The following SPAG17 variants were observed in gnomAD, a reference collection of about 807,000 sequenced individuals.
The protein encoded by SPAG17 is sperm-associated antigen 17.
A neutral mutation model predicts 273.6 loss-of-function variants in SPAG17; 169 were observed. That is an observed-to-expected ratio of 0.62 (90% CI 0.55 to 0.70). SPAG17 has a LOEUF of 0.70. SPAG17 is among the 30% of genes least tolerant of loss of function. The pLI is 0.00. For synonymous variants in SPAG17, 825 were observed against 873.2 expected (o/e 0.94, Z 0.97); for missense variants, 2,557 against 2,627.8 (o/e 0.97, Z 0.59).
intron 1 of SPAG17, among the ~76,000 whole-genome samples, chr1:118,161,327 C>A (rs1659899237): frequency 2.0e-5 from 3 of 152,132 alleles, no homozygotes; most frequent in Middle Eastern, 3.4e-3. Context: ...GCAGTGGAGA[C>A]CTGTCATAGG....
intron 43 of SPAG17, among the ~76,000 whole-genome samples, chr1:117,976,033 T>G (rs1004910257): frequency 6.6e-6 from 1 of 152,104 alleles, no homozygotes; most frequent in Non-Finnish European, 1.5e-5. Context: ...AGAAGAGAAA[T>G]AGGAAGAGAT....
chr1:118,010,688 T>C (rs1659380755), intron 30 of SPAG17, among the ~76,000 whole-genome samples: 1 of 151,892 alleles, frequency 6.6e-6, no homozygotes, highest in Non-Finnish European at 1.5e-5. Flanking sequence ...CAAAAGCAAT[T>C]GCAACAAAAG....
chr1:117,991,492 G>C lies in SPAG17; in HGVS notation c.5398C>G (p.Leu1800Val), dbSNP rs1375517223. ...INYILKKEDELQEMMVKDSRT... is the reference protein window; with the variant it reads ...INYILKKEDEVQEMMVKDSRT... ...GAATCTTTAACCATCATTTCCTGCAGCTCATCTTCTTTCTTTAGAATATAG... is the reference window on the plus strand; with the variant it reads ...GAATCTTTAACCATCATTTCCTGCACCTCATCTTCTTTCTTTAGAATATAG... The change falls in exon 37 of 49, where the codon CTG becomes GTG. Residue 1800 changes from leucine (L) to valine (V), a missense_variant. Physicochemically the swap from Leu to Val is conservative, Grantham distance 32. Coordinates refer to ENST00000336338, the MANE Select transcript of SPAG17 (RefSeq NM_206996.4). 4.3e-6 allele frequency: 7 copies of C among 1,611,506 alleles called. No homozygotes were observed. Among genetic ancestry groups the C allele is most frequent in the African/African-American group, 2.7e-5 (2 of 74,766 alleles).
intron 1 of SPAG17, among the ~76,000 whole-genome samples, chr1:118,181,142 G>A (rs1398114080): frequency 6.6e-6 from 1 of 151,750 alleles, no homozygotes; most frequent in Non-Finnish European, 1.5e-5. Context: ...AATATACACA[G>A]AAGAAAATGA....
intron 20 of SPAG17, among the ~76,000 whole-genome samples, chr1:118,046,078 C>G (rs1050067486): frequency 1.5e-4 from 23 of 152,054 alleles, no homozygotes; most frequent in African/African-American, 5.3e-4. Flanking sequence ...TGGTTCACGC[C>G]TGTAATTCCA....
chr1:117,973,095 A>C (rs1329151534), intron 44 of SPAG17, among the ~76,000 whole-genome samples: 1 of 152,182 alleles, frequency 6.6e-6, no homozygotes, highest in Admixed American at 6.5e-5. Flanking sequence ...AGTGTTTATC[A>C]ATTTTGTGGT....
intron 3 of SPAG17, among the ~76,000 whole-genome samples, chr1:118,134,534 T>C (rs547195666): frequency 6.6e-6 from 1 of 152,200 alleles, no homozygotes; most frequent in African/African-American, 2.4e-5. Flanking sequence ...AGCAATGAAC[T>C]GCTTTTAACA....
At chr1:118,091,565 C>T (rs369549575) in intron 10 of SPAG17, 41 bp downstream of exon 10, 33 of 1,103,166 alleles carry the variant, frequency 3.0e-5, no homozygotes, top group African/African-American at 7.9e-5. Flanking sequence ...AAAGATGAAA[C>T]GACTTACTCA....
chr1:118,141,286 T>C lies in SPAG17; in HGVS notation c.315+9257A>G, dbSNP rs1321071863. On this transcript the variant is annotated intron_variant, in intron 3 of 48. Transcript: ENST00000336338. ...ATGGAATGCATGAAAATGAAACATT[T>C]CCTAAACCTTAGTCATTGACTATCA... Among the ~76,000 whole-genome samples, 3 of 152,190 alleles carry C rather than the reference T, an allele frequency of 2.0e-5. No individual in the cohort carries two copies. The East Asian group carries it at 5.8e-4, about 29-fold the overall frequency.
intron 5 of SPAG17, among the ~76,000 whole-genome samples, chr1:118,100,828 A>G (rs1392524753): frequency 4.6e-5 from 7 of 152,218 alleles, no homozygotes. Context: ...ATATTAAGAA[A>G]CTAAAATGAA....
chr1:118,111,531 C>T (rs1270085080), intron 4 of SPAG17, among the ~76,000 whole-genome samples: 2 of 139,704 alleles, frequency 1.4e-5, no homozygotes, highest in Non-Finnish European at 3.0e-5. Flanking sequence ...CTGGTATGTC[C>T]GTATGGCTTT....
intron 1 of SPAG17, among the ~76,000 whole-genome samples, chr1:118,179,783 G>T (rs1298707309): frequency 1.3e-5 from 2 of 151,818 alleles, no homozygotes; most frequent in Non-Finnish European, 2.9e-5. Context: ...ATAGGCAAAG[G>T]ATTCAAATAG....
At chr1:117,993,819 T>C (rs996600587) in intron 35 of SPAG17, among the ~76,000 whole-genome samples, 3 of 152,222 alleles carry the variant, frequency 2.0e-5, no homozygotes, top group Admixed American at 6.5e-5. Context: ...TGGTAAATTA[T>C]GCAAGATGCA....
At chr1:117,966,873 T>C (rs764124289) in intron 46 of SPAG17, 120 bp from the exon 47 acceptor site, 39 of 818,932 alleles carry the variant, frequency 4.8e-5, no homozygotes, top group Admixed American at 6.9e-5. Context: ...ATCTATAAAT[T>C]TGGCACTAAC....
At chr1:118,062,141 G>A (rs941130751) in intron 18 of SPAG17, among the ~76,000 whole-genome samples, 1 of 152,006 alleles carries the variant, frequency 6.6e-6, no homozygotes, top group Non-Finnish European at 1.5e-5. Context: ...GCCGAGGCGG[G>A]CGGATCACGA....
At chr1:118,165,757 T>A (rs999718541) in intron 1 of SPAG17, among the ~76,000 whole-genome samples, 2 of 147,964 alleles carry the variant, frequency 1.4e-5, no homozygotes, top group African/African-American at 2.5e-5. Flanking sequence ...GCCATTCTCC[T>A]GCTTCAGCCT....
chr1:118,141,972 C>A (rs1390899860), intron 3 of SPAG17, among the ~76,000 whole-genome samples: 5 of 152,114 alleles, frequency 3.3e-5, no homozygotes, highest in African/African-American at 1.2e-4. Context: ...CCCTTACTTG[C>A]TTAATTAAAT....
At position 118,085,903 on chromosome 1, in the gene SPAG17, G is replaced by A; in HGVS notation, c.1762+19C>T. 1.3e-6 allele frequency: 2 copies of A among 1,573,078 alleles called. No homozygotes were observed. The highest frequency in any genetic ancestry group is 1.7e-6 in the Non-Finnish European group (2 of 1,164,608). On this transcript the variant is annotated intron_variant, in intron 13 of 48. Coordinates refer to ENST00000336338, the MANE Select transcript of SPAG17 (RefSeq NM_206996.4). ...ATTAATTAAATTGAGTTTAAGCTAA[G>A]ACAAAGCAATGGACTCACCACTCGT... is the stretch of plus-strand genomic sequence containing the variant.
intron 31 of SPAG17, 74 bp downstream of exon 31, chr1:118,007,970 G>T: frequency 6.4e-7 from 1 of 1,567,492 alleles, no homozygotes. Flanking sequence ...CATTTTTACT[G>T]CCCCAGAGAA....
Sources: gnomAD v4.1 joint callset for allele counts (sites outside exome capture counted in the v4.1 genomes callset) on GRCh38, gnomAD v4.1.1 for gene constraint, MANE v1.5 for transcripts, NCBI Gene and HGNC (gene_info 2026-07-23, HGNC 2026-07-21) for gene names.